Variants in LMAN2L observed in about 807,000 individuals in gnomAD.
LMAN2L encodes the protein lectin, mannose binding 2 like.
In LMAN2L, 30 loss-of-function variants were observed where a neutral mutation model predicts 44.3. The observed-to-expected ratio is 0.68, with a 90% CI of 0.51 to 0.92. The LOEUF (loss-of-function observed/expected upper bound fraction) is 0.92. Ranked by LOEUF, LMAN2L falls within the 40% of genes least tolerant of loss-of-function variation. The pLI, the probability that LMAN2L is intolerant of heterozygous loss-of-function variation, is 0.00. For missense variants in LMAN2L, 429 were observed against 446.1 expected, an observed-to-expected ratio of 0.96 and a Z score of 0.35; for synonymous variants, 183 against 171.1, an observed-to-expected ratio of 1.07 and a Z score of -0.54.
At chr2:96,727,317 T>C (rs1047553536) in intron 4 of LMAN2L, among the ~76,000 whole-genome samples, 1 of 152,146 alleles carries the variant, frequency 6.6e-6, no homozygotes, top group Non-Finnish European at 1.5e-5. Context: ...TGGTATATTA[T>C]ACTAATTTTC....
chr2:96,723,399 G>T (rs1249778078), intron 4 of LMAN2L, among the ~76,000 whole-genome samples: 1 of 152,100 alleles, frequency 6.6e-6, no homozygotes, highest in Non-Finnish European at 1.5e-5. Flanking sequence ...TCTTACTATT[G>T]AGTTGTAATA....
At chr2:96,712,145 T>A in intron 4 of LMAN2L, 120 bp from the exon 5 acceptor site, 1 of 958,852 alleles carries the variant, frequency 1.0e-6, no homozygotes, top group Non-Finnish European at 1.6e-6. Flanking sequence ...AGGCAGCCAC[T>A]CGACCTCATT....
intron 4 of LMAN2L, among the ~76,000 whole-genome samples, chr2:96,732,701 C>T (rs1310907134): frequency 6.7e-6 from 1 of 149,128 alleles, no homozygotes; most frequent in Non-Finnish European, 1.5e-5. Context: ...GGTCAGGTAA[C>T]AAAAAGGCCT....
chr2:96,729,720 C>G (rs2078353593), intron 4 of LMAN2L, among the ~76,000 whole-genome samples: 1 of 152,084 alleles, frequency 6.6e-6, no homozygotes, highest in African/African-American at 2.4e-5. Context: ...GTTGGCCAGG[C>G]TGGTCTCGAA....
chr2:96,717,906 G>A (rs2078073684), intron 4 of LMAN2L, among the ~76,000 whole-genome samples: 2 of 151,686 alleles, frequency 1.3e-5, no homozygotes, highest in South Asian at 4.2e-4. Flanking sequence ...GGAAATCTGG[G>A]TGAAGAACAT....
rs748949486 is a variant in LMAN2L at position 96,711,778 on chromosome 2, A to G, written c.670-8T>C. On this transcript the variant is annotated splice_region_variant and splice_polypyrimidine_tract_variant and intron_variant, in intron 5 of 7. Transcript: ENST00000264963. ...ATCAATATCCATCATTATCTAGAAT[A>G]AAAAGAGAGATAAATCAGGGTCAGG... is the stretch of plus-strand genomic sequence containing the variant. The G allele has an allele frequency of 6.2e-7, 1 of 1,613,208 alleles. No homozygotes were observed. Among genetic ancestry groups the G allele is most frequent in the Non-Finnish European group, 8.5e-7 (1 of 1,179,162 alleles).
intron 4 of LMAN2L, among the ~76,000 whole-genome samples, chr2:96,717,618 T>C (rs550256468): frequency 5.8e-4 from 87 of 150,502 alleles, no homozygotes; most frequent in Admixed American, 1.5e-3. Flanking sequence ...GGCAGGTGGA[T>C]CACCTGAGGT....
chr2:96,734,858 C>A (rs369338120), intron 2 of LMAN2L, among the ~76,000 whole-genome samples: 1 of 152,178 alleles, frequency 6.6e-6, no homozygotes. Context: ...CAAAGTAGCT[C>A]GGCTTTTAGA....
intron 4 of LMAN2L, among the ~76,000 whole-genome samples, chr2:96,730,262 A>G (rs2078364722): frequency 6.6e-6 from 1 of 152,124 alleles, no homozygotes; most frequent in African/African-American, 2.4e-5. Context: ...ACTCTTATTC[A>G]GATCCATTTC....
At chr2:96,735,643 C>A (rs1205432461) in intron 2 of LMAN2L, among the ~76,000 whole-genome samples, 1 of 152,124 alleles carries the variant, frequency 6.6e-6, no homozygotes, top group Admixed American at 6.5e-5. Flanking sequence ...TCGAGACCAT[C>A]CTGGCTAACA....
At chr2:96,711,819 C>A (rs771446082) in intron 5 of LMAN2L, 45 bp downstream of exon 5, 1 of 1,612,568 alleles carries the variant, frequency 6.2e-7, no homozygotes, top group Non-Finnish European at 8.5e-7. Context: ...GGAGCAAGAG[C>A]GACACAGCCC....
intron 1 of LMAN2L, among the ~76,000 whole-genome samples, chr2:96,738,448 G>T (rs1268837330): frequency 6.6e-6 from 1 of 152,166 alleles, no homozygotes; most frequent in Non-Finnish European, 1.5e-5. Context: ...AGATGATGTG[G>T]AGGGAGGGCA....
At chr2:96,719,584 CAA>C (rs758726961) in intron 4 of LMAN2L, among the ~76,000 whole-genome samples, 2 of 141,486 alleles carry the variant, frequency 1.4e-5, no homozygotes, top group African/African-American at 5.1e-5. Context: ...CGTATCTCTA[CAA>C]AAAAAAAAAA....
At chr2:96,725,864 G>A (rs1352070114) in intron 4 of LMAN2L, among the ~76,000 whole-genome samples, 5 of 152,124 alleles carry the variant, frequency 3.3e-5, no homozygotes, top group Admixed American at 2.6e-4. Context: ...GCCAGGCGCG[G>A]TACCTCACGC....
At position 96,733,500 on chromosome 2, in the gene LMAN2L, C is replaced by T. The variant is rs368680541; in HGVS notation, c.507+19G>A. 3 of 1,589,412 alleles carry T rather than the reference C, an allele frequency of 1.9e-6. No individual in the cohort carries two copies. In the African/African-American group the frequency reaches 4.0e-5, roughly 21 times the overall value. On this transcript the variant is annotated intron_variant, in intron 4 of 7. Transcript: ENST00000264963. Reference sequence around the variant, plus strand: ...GTGATGTCAGTGTAGCTGACCTAGGCTCTGACACTTGCCATTACCTCTTGC... The same window carrying T: ...GTGATGTCAGTGTAGCTGACCTAGGTTCTGACACTTGCCATTACCTCTTGC...
At chr2:96,738,159 C>T in intron 1 of LMAN2L, 92 bp from the exon 2 acceptor site, 1 of 783,066 alleles carries the variant, frequency 1.3e-6, no homozygotes, top group Non-Finnish European at 2.2e-6. Flanking sequence ...GAGCCATCAT[C>T]TTTTTCCCCC....
chr2:96,737,961 CA>C lies in LMAN2L; in HGVS notation c.293del (p.Leu98CysfsTer9). On this transcript the variant is annotated frameshift_variant, in exon 2 of 8. Transcript: ENST00000264963. LOFTEE classifies it high-confidence loss of function. Reference protein sequence around the residue: ...TPDMQSKQGALWNRVPCFLRD... With the variant: ...TPDMQSKQGAXWNRVPCFLRD... The stretch of plus-strand genomic sequence containing the variant: ...GAAAGATTCTTACCACCCGGTTCCA[CA>C]AGGCACCCTGTTTACTTTGCATATC... 6.2e-7 allele frequency: 1 copy of C among 1,611,834 alleles called. No individual in the cohort carries two copies. The highest frequency in any genetic ancestry group is 2.2e-5 in the East Asian group (1 of 44,862).
At chr2:96,721,358 G>C (rs1030198543) in intron 4 of LMAN2L, among the ~76,000 whole-genome samples, 7 of 143,160 alleles carry the variant, frequency 4.9e-5, no homozygotes, top group Non-Finnish European at 1.1e-4. Context: ...TTTGAGACAG[G>C]GTCTTGCTAT....
At position 96,720,491 on chromosome 2, in the gene LMAN2L, A is replaced by AT. The variant is rs2078128088; in HGVS notation, c.508-8467dup. On this transcript the variant is annotated intron_variant, in intron 4 of 7. Transcript: ENST00000264963. ...TATCTTTACCTTTTTTTTTTTTTTG[A>AT]TTTTTTGTAGAGATGAGGACTTGCT... Among the ~76,000 whole-genome samples the AT allele has an allele frequency of 3.0e-5, 4 of 131,238 alleles. No homozygotes were observed. The East Asian group carries it at 8.7e-4, about 29-fold the overall frequency. 86.1% of individuals were successfully genotyped at this position (131,238 alleles called of 152,430 possible). A position where few individuals can be genotyped will look rare whatever the true frequency, so the allele number is the denominator to read the frequency against.
Sources: allele counts gnomAD v4.1 joint callset (sites outside exome capture counted in the v4.1 genomes callset), GRCh38; gene constraint gnomAD v4.1.1; transcripts MANE v1.5; gene names NCBI Gene and HGNC (gene_info 2026-07-23, HGNC 2026-07-21).